KIAA0040: variants seen among roughly 807,000 people sequenced by gnomAD.
The protein encoded by KIAA0040 is KIAA0040.
A neutral mutation model predicts 7.2 loss-of-function variants in KIAA0040; 10 were observed. That is an observed-to-expected ratio of 1.38 (90% CI 0.85 to 2.34). The LOEUF (loss-of-function observed/expected upper bound fraction) is 2.34. Among genes scored for constraint, KIAA0040 ranks in the 30% most tolerant of loss-of-function variants. The pLI, the probability that KIAA0040 is intolerant of heterozygous loss-of-function variation, is 0.00. For missense variants in KIAA0040, 89 were observed against 108.2 expected (o/e 0.82, Z 0.79); for synonymous variants, 49 against 40.1 (o/e 1.22, Z -0.84).
chr1:175,157,891 C>T lies in KIAA0040; in HGVS notation c.*2823G>A, dbSNP rs903168354. ...TTGTCCCCCGTGAACTTACCCTCCCCAGATGAGTCAAGCAGTCTCTGGTCC... is the reference window on the plus strand; with the variant it reads ...TTGTCCCCCGTGAACTTACCCTCCCTAGATGAGTCAAGCAGTCTCTGGTCC... On this transcript the variant is annotated 3_prime_UTR_variant, in exon 4 of 4. Transcript: ENST00000423313. 3.5e-4 allele frequency: 53 copies of T among 152,442 alleles called. No individual in the cohort carries two copies. Among genetic ancestry groups the T allele is most frequent in the African/African-American group, 1.2e-3 (50 of 41,568 alleles). The allele number at this position is 152,442 out of a possible 1,614,324, so 9.4% of individuals were successfully genotyped here. A position where few individuals can be genotyped will look rare whatever the true frequency, so the allele number is the denominator to read the frequency against.
chr1:175,176,057 A>G (rs1447114572), intron 2 of KIAA0040, among the ~76,000 whole-genome samples: 1 of 152,218 alleles, frequency 6.6e-6, no homozygotes, highest in Non-Finnish European at 1.5e-5. Flanking sequence ...AAACTTGCAT[A>G]ATTCTCTTTA....
At chr1:175,186,494 T>C (rs888381366) in intron 1 of KIAA0040, among the ~76,000 whole-genome samples, 2 of 152,222 alleles carry the variant, frequency 1.3e-5, no homozygotes, top group African/African-American at 2.4e-5. Context: ...GCATCCGAAC[T>C]TCTTCCTCTG....
chr1:175,184,279 G>A (rs1299517393), intron 1 of KIAA0040, among the ~76,000 whole-genome samples: 7 of 152,168 alleles, frequency 4.6e-5, no homozygotes, highest in African/African-American at 1.7e-4. Context: ...TCAGAGTTTA[G>A]GAAAGAGATT....
At chr1:175,186,718 C>T (rs1677673120) in intron 1 of KIAA0040, among the ~76,000 whole-genome samples, 2 of 152,210 alleles carry the variant, frequency 1.3e-5, no homozygotes, top group African/African-American at 4.8e-5. Flanking sequence ...TGGAAATCGG[C>T]AAGGCACCCA....
Position 175,160,540 on chromosome 1 carries a change from G to A in KIAA0040, c.*174C>T, listed in dbSNP as rs980787933. 1.1e-5 allele frequency: 7 copies of A among 633,502 alleles called. No individual in the cohort carries two copies. Among genetic ancestry groups the A allele is most frequent in the Admixed American group, 9.2e-5 (3 of 32,670 alleles). 39.2% of individuals were successfully genotyped at this position (633,502 alleles called of 1,614,324 possible). On this transcript the variant is annotated 3_prime_UTR_variant, in exon 4 of 4. Transcript: ENST00000423313. ...AAGACAGTATCCAAGAATTGTCCAC[G>A]TGGTCCCTGGGACTGCCCTCCACTG...
At position 175,160,846 on chromosome 1, in the gene KIAA0040, G is replaced by T. The variant is rs1460478257; in HGVS notation, c.168C>A (p.Gly56=). ...TCTTCTCTGGCTGCTGGCCCCTCTT[G>T]CCTGGTGGGCTCCAGCAGCAATGGC... is the stretch of plus-strand genomic sequence containing the variant. ...ICCHCCWSPP[G]KRGQQPEKNK... The change falls in exon 4 of 4, where the codon GGC becomes GGA. Residue 56 remains glycine (G), a synonymous_variant. Coordinates refer to ENST00000423313, the MANE Select transcript of KIAA0040 (RefSeq NM_014656.3). 12 of 1,551,194 alleles carry T rather than the reference G, an allele frequency of 7.7e-6. No individual in the cohort carries two copies. In the Admixed American group the frequency reaches 7.8e-5, roughly 10 times the overall value.
chr1:175,174,264 G>A (rs1677094811), intron 2 of KIAA0040, among the ~76,000 whole-genome samples: 1 of 152,200 alleles, frequency 6.6e-6, no homozygotes, highest in Non-Finnish European at 1.5e-5. Flanking sequence ...CCAGTTTGAT[G>A]GACTGATCCT....
chr1:175,188,781 G>C (rs1050991545), intron 1 of KIAA0040, among the ~76,000 whole-genome samples: 2 of 152,208 alleles, frequency 1.3e-5, no homozygotes, highest in Non-Finnish European at 2.9e-5. Flanking sequence ...TAAAAGTTGA[G>C]AACTACCTGC....
intron 2 of KIAA0040, among the ~76,000 whole-genome samples, chr1:175,172,468 A>T (rs1314049431): frequency 6.6e-6 from 1 of 152,220 alleles, no homozygotes; most frequent in Admixed American, 6.5e-5. Context: ...AGTTCCAGCT[A>T]CTCAGGAGGC....
rs879841571 is a variant in KIAA0040, at chr1:175,161,398, T to C, written c.-133-252A>G. Among the ~76,000 whole-genome samples, 3 of 152,208 alleles carry C rather than the reference T, an allele frequency of 2.0e-5. No individual in the cohort carries two copies. In the East Asian group the frequency reaches 5.8e-4, roughly 29 times the overall value. Reference sequence around the variant, plus strand: ...TGAATAGTATATCAGGTCTGGCACGTAGGAAGTTCTCAGTAGTTGTTGGAT... The same window carrying C: ...TGAATAGTATATCAGGTCTGGCACGCAGGAAGTTCTCAGTAGTTGTTGGAT... On this transcript the variant is annotated intron_variant, in intron 3 of 3. Coordinates refer to ENST00000423313, the MANE Select transcript of KIAA0040 (RefSeq NM_014656.3).
chr1:175,179,177 G>A (rs1024710158), intron 1 of KIAA0040, among the ~76,000 whole-genome samples: 1 of 152,106 alleles, frequency 6.6e-6, no homozygotes, highest in Admixed American at 6.5e-5. Context: ...AGGAAGAGTG[G>A]GAACTGAGGT....
At chr1:175,176,828 C>T (rs1026053210) in intron 2 of KIAA0040, among the ~76,000 whole-genome samples, 1 of 152,012 alleles carries the variant, frequency 6.6e-6, no homozygotes, top group Admixed American at 6.6e-5. Context: ...ATGCCCTCAG[C>T]ATGCCCAAAC....
intron 1 of KIAA0040, among the ~76,000 whole-genome samples, chr1:175,186,861 T>G (rs1255197769): frequency 1.3e-5 from 2 of 152,206 alleles, no homozygotes; most frequent in African/African-American, 4.8e-5. Flanking sequence ...TATGCAAGTG[T>G]GTTCCCCTTT....
intron 2 of KIAA0040, among the ~76,000 whole-genome samples, chr1:175,168,828 C>T (rs945110041): frequency 3.3e-5 from 5 of 152,236 alleles, no homozygotes; most frequent in African/African-American, 1.2e-4. Context: ...GACCATACTT[C>T]TCAGCCCCTT....
At chr1:175,176,104 T>TG (rs1677179648) in intron 2 of KIAA0040, among the ~76,000 whole-genome samples, 1 of 152,224 alleles carries the variant, frequency 6.6e-6, no homozygotes, top group Non-Finnish European at 1.5e-5. Context: ...CTGCAAACTT[T>TG]GGGGCAATAA....
chr1:175,175,900 T>C (rs1168982624), intron 2 of KIAA0040, among the ~76,000 whole-genome samples: 1 of 152,188 alleles, frequency 6.6e-6, no homozygotes, highest in South Asian at 2.1e-4. Flanking sequence ...GGGGAAGGGA[T>C]AGCATTAGGA....
intron 1 of KIAA0040, among the ~76,000 whole-genome samples, chr1:175,181,668 G>C (rs547642473): frequency 9.9e-5 from 15 of 152,210 alleles, no homozygotes; most frequent in Non-Finnish European, 1.8e-4. Context: ...GATTAGTTCA[G>C]TGTCCCAAGG....
rs555760486 is a variant in KIAA0040 at position 175,181,691 on chromosome 1, A to C, written c.-383-4007T>G. Among the ~76,000 whole-genome samples, 45 of 152,358 alleles carry C rather than the reference A, an allele frequency of 3.0e-4. 1 individual carries two copies. In the South Asian group the frequency reaches 9.1e-3, roughly 31 times the overall value. On this transcript the variant is annotated intron_variant, in intron 1 of 3. Coordinates refer to ENST00000423313, the MANE Select transcript of KIAA0040 (RefSeq NM_014656.3). ...CAGTGTCCCAAGGGAAATTCAAACA[A>C]ATGCTTATGGAAGTAGCAAGGAGGG...
At chr1:175,181,790 C>T (rs745934742) in intron 1 of KIAA0040, among the ~76,000 whole-genome samples, 16 of 152,148 alleles carry the variant, frequency 1.1e-4, no homozygotes, top group Non-Finnish European at 2.1e-4. Flanking sequence ...CTGCAAGGTG[C>T]ATAGAATGTT....
Sources: gnomAD v4.1 joint callset for allele counts (sites outside exome capture counted in the v4.1 genomes callset) on GRCh38, gnomAD v4.1.1 for gene constraint, MANE v1.5 for transcripts, NCBI Gene and HGNC (gene_info 2026-07-23, HGNC 2026-07-21) for gene names.